MBTD1: variants seen among roughly 807,000 people sequenced by gnomAD.
The protein encoded by MBTD1 is mbt domain containing 1.
A neutral mutation model predicts 87.8 loss-of-function variants in MBTD1; 24 were observed. The observed-to-expected ratio is 0.27, with a 90% CI of 0.20 to 0.38. The LOEUF (loss-of-function observed/expected upper bound fraction) is 0.38, where lower values mean the gene tolerates loss of function less well. MBTD1 is among the 10% of genes least tolerant of loss of function. MBTD1 has a pLI of 1.00. For synonymous variants in MBTD1, 237 were observed against 248.6 expected (o/e 0.95, Z 0.44); for missense variants, 436 against 760.2 (o/e 0.57, Z 5.02).
intron 16 of MBTD1, 69 bp from the exon 17 acceptor site, chr17:51,180,763 C>A (rs1163877792): frequency 1.3e-6 from 1 of 792,890 alleles, no homozygotes; most frequent in Non-Finnish European, 2.1e-6. Flanking sequence ...CTGTGATCTT[C>A]GTGTTCCGTC....
At chr17:51,216,444 C>A (rs867477403) in intron 6 of MBTD1, among the ~76,000 whole-genome samples, 3 of 152,044 alleles carry the variant, frequency 2.0e-5, no homozygotes, top group African/African-American at 7.2e-5. Flanking sequence ...AAATTTTAAA[C>A]ATAATTCTAA....
At chr17:51,189,807 T>C (rs1326482348) in intron 16 of MBTD1, among the ~76,000 whole-genome samples, 1 of 152,224 alleles carries the variant, frequency 6.6e-6, no homozygotes, top group Non-Finnish European at 1.5e-5. Flanking sequence ...CTGACATAAA[T>C]GAAGTTCCCA....
Position 51,179,017 on chromosome 17 carries a change from T to G in MBTD1, c.*1559A>C, listed in dbSNP as rs1002623676. ...AATATTTTAGAAAATAAATTGCTGG[T>G]TTTTTTTAACGTTCTATGCATTTTA... On this transcript the variant is annotated 3_prime_UTR_variant, in exon 17 of 17. Transcript: ENST00000586178. The G allele has an allele frequency of 2.6e-5, 4 of 151,596 alleles. No homozygotes were observed. Among genetic ancestry groups the G allele is most frequent in the Admixed American group, 6.6e-5 (1 of 15,202 alleles). 9.4% of individuals were successfully genotyped at this position (151,596 alleles called of 1,614,324 possible).
In MBTD1 at chr17:51,201,747, A is replaced by T. The variant is rs761242155; in HGVS notation, c.1120-51T>A. On this transcript the variant is annotated intron_variant, in intron 11 of 16. Transcript: ENST00000586178. Reference sequence around the variant, plus strand: ...TACTGTTACAAATGTTGTTATTTTGATAATTAAAATATTACCAATGTGAAA... The same window carrying T: ...TACTGTTACAAATGTTGTTATTTTGTTAATTAAAATATTACCAATGTGAAA... 4.2e-6 allele frequency: 5 copies of T among 1,199,518 alleles called. No homozygotes were observed. The East Asian group carries it at 1.2e-4, about 28-fold the overall frequency. The allele number at this position is 1,199,518 out of a possible 1,614,324, so 74.3% of individuals were successfully genotyped here. A position where few individuals can be genotyped will look rare whatever the true frequency, so the allele number is the denominator to read the frequency against.
At position 51,220,435 on chromosome 17, in the gene MBTD1, G is replaced by A. The variant is rs61740918; in HGVS notation, c.183C>T (p.Gly61=). 8.9e-4 allele frequency: 1,372 copies of A among 1,547,718 alleles called. 2 individuals are homozygous for A. The highest frequency in any genetic ancestry group is 4.3e-3 in the Middle Eastern group (26 of 5,982). Residue 61 remains glycine (G), a synonymous_variant, in exon 4 of 17, where the codon GGC becomes GGT. Transcript: ENST00000586178. ...MATCEMCGMV[G]VRDAFYSKTK... ...TTTTAGAGTAAAAAGCATCTCGGAC[G>A]CCAACCATCCCACACATCTCACAGG...
At chr17:51,195,795 GATCTCT>G (rs1208333961) in intron 12 of MBTD1, among the ~76,000 whole-genome samples, 1 of 152,162 alleles carries the variant, frequency 6.6e-6, no homozygotes, top group African/African-American at 2.4e-5. Context: ...GCTCCAACTT[GATCTCT>G]TTTATGCTAC....
chr17:51,226,818 G>C lies in MBTD1; in HGVS notation c.-48-1609C>G, dbSNP rs571792704. Among the ~76,000 whole-genome samples, 4 of 151,918 alleles carry C rather than the reference G, an allele frequency of 2.6e-5. No homozygotes were observed. The South Asian group carries it at 8.3e-4, about 32-fold the overall frequency. On this transcript the variant is annotated intron_variant, in intron 2 of 16. Coordinates refer to ENST00000586178, the MANE Select transcript of MBTD1 (RefSeq NM_017643.3). ...AGCTAACTTTTGTACTTTTAGTAGA[G>C]ATGGGGTTTTGCTATGTTGGTGAGG...
intron 2 of MBTD1, among the ~76,000 whole-genome samples, chr17:51,228,314 C>A (rs1309902028): frequency 6.6e-6 from 1 of 151,872 alleles, no homozygotes; most frequent in Non-Finnish European, 1.5e-5. Flanking sequence ...ATAATCTGTT[C>A]GACAAACCCC....
At chr17:51,183,744 T>A (rs2050418649) in intron 16 of MBTD1, 1 of 152,170 alleles carries the variant, frequency 6.6e-6, no homozygotes, top group Non-Finnish European at 1.5e-5. Flanking sequence ...CAGTTATCCT[T>A]CAAATCTAGC....
At chr17:51,255,496 C>A (rs995059714) in intron 2 of MBTD1, among the ~76,000 whole-genome samples, 2 of 151,708 alleles carry the variant, frequency 1.3e-5, no homozygotes, top group African/African-American at 4.8e-5. Context: ...TAAACACATA[C>A]AGATACACAA....
rs34803999 is a variant in MBTD1, at chr17:51,249,094, CA to C, written c.-49+10048del. Among the ~76,000 whole-genome samples the C allele has an allele frequency of 4.3e-3, 569 of 132,562 alleles. 1 individual carries two copies. Among genetic ancestry groups the C allele is most frequent in the East Asian group, 0.01 (49 of 4,690 alleles). The allele number at this position is 132,562 out of a possible 152,430, so 87.0% of individuals were successfully genotyped here. A position where few individuals can be genotyped will look rare whatever the true frequency, so the allele number is the denominator to read the frequency against. Reference sequence around the variant, plus strand: ...GGCGAGACTTCGTCTCTACAATAAGCAAAAAAAAAAAAAAAATTAGCTGGGC... The same window carrying C: ...GGCGAGACTTCGTCTCTACAATAAGCAAAAAAAAAAAAAAATTAGCTGGGC... On this transcript the variant is annotated intron_variant, in intron 2 of 16. Transcript: ENST00000586178.
chr17:51,223,639 C>A (rs1021945889), intron 3 of MBTD1, among the ~76,000 whole-genome samples: 2 of 152,068 alleles, frequency 1.3e-5, no homozygotes, highest in African/African-American at 4.8e-5. Flanking sequence ...AGTTTGAGAC[C>A]GGCCTGGCCA....
At chr17:51,239,099 CA>C (rs60345239) in intron 2 of MBTD1, among the ~76,000 whole-genome samples, 87,417 of 141,964 alleles carry the variant, frequency 0.62, 26,172 homozygotes, top group African/African-American at 0.69. Flanking sequence ...GTCTCCATCT[CA>C]AAAAAAAAAA....
intron 2 of MBTD1, among the ~76,000 whole-genome samples, chr17:51,248,076 C>T (rs1007789208): frequency 2.6e-5 from 4 of 152,034 alleles, no homozygotes; most frequent in African/African-American, 7.3e-5. Flanking sequence ...GTTATTTTCC[C>T]GTTGTTATTT....
At chr17:51,216,846 G>C (rs2052598941) in intron 6 of MBTD1, among the ~76,000 whole-genome samples, 1 of 152,094 alleles carries the variant, frequency 6.6e-6, no homozygotes, top group South Asian at 2.1e-4. Context: ...ATTCTCCCAA[G>C]TTGCTAGGAA....
At chr17:51,244,157 T>C (rs1311736163) in intron 2 of MBTD1, among the ~76,000 whole-genome samples, 1 of 152,206 alleles carries the variant, frequency 6.6e-6, no homozygotes, top group African/African-American at 2.4e-5. Flanking sequence ...ATTCTTAAAT[T>C]TGGCATCTAA....
At chr17:51,237,212 C>T (rs1382616901) in intron 2 of MBTD1, among the ~76,000 whole-genome samples, 1 of 148,180 alleles carries the variant, frequency 6.7e-6, no homozygotes, top group Non-Finnish European at 1.5e-5. Flanking sequence ...GGAAGAATCG[C>T]TTAACCCCAG....
intron 2 of MBTD1, among the ~76,000 whole-genome samples, chr17:51,239,745 C>T (rs1323357253): frequency 6.6e-6 from 1 of 151,808 alleles, no homozygotes; most frequent in Non-Finnish European, 1.5e-5. Context: ...GCCAAATGTC[C>T]CCTGGAAGCA....
In MBTD1 at chr17:51,217,424, G is replaced by C; in HGVS notation, c.404-8C>G. On this transcript the variant is annotated splice_region_variant and splice_polypyrimidine_tract_variant and intron_variant, in intron 5 of 16. Transcript: ENST00000586178. ...AACCTTCCATGGAGACTGCTAAAATGAAACAAATTTAGATGTATTATAATT... is the reference window on the plus strand; with the variant it reads ...AACCTTCCATGGAGACTGCTAAAATCAAACAAATTTAGATGTATTATAATT... 1 of 1,402,684 alleles carries C rather than the reference G, an allele frequency of 7.1e-7. No homozygotes were observed. The highest frequency in any genetic ancestry group is 2.4e-5 in the Admixed American group (1 of 42,464). 86.9% of individuals were successfully genotyped at this position (1,402,684 alleles called of 1,614,324 possible).
Sources: allele counts gnomAD v4.1 joint callset (sites outside exome capture counted in the v4.1 genomes callset), GRCh38; gene constraint gnomAD v4.1.1; transcripts MANE v1.5; gene names NCBI Gene and HGNC (gene_info 2026-07-23, HGNC 2026-07-21).